The following C1QTNF3 variants were observed in gnomAD, a reference collection of about 807,000 sequenced individuals.
C1QTNF3 encodes the protein C1q and TNF related 3, also known as complement C1q tumor necrosis factor-related protein 3.
A neutral mutation model predicts 32.6 loss-of-function variants in C1QTNF3; 26 were observed. That is an observed-to-expected ratio of 0.80 (90% confidence interval 0.58 to 1.11). C1QTNF3 has a LOEUF of 1.11. C1QTNF3 is among the 50% of genes least tolerant of loss of function. C1QTNF3 has a pLI of 0.00. For missense variants in C1QTNF3, 362 were observed against 398.2 expected (o/e 0.91, Z 0.77); for synonymous variants, 155 against 146.0 (o/e 1.06, Z -0.44).
the C1QTNF3 span, among the ~76,000 whole-genome samples, chr5:34,146,004 G>C: frequency 6.6e-6 from 1 of 152,000 alleles, no homozygotes; most frequent in African/African-American, 2.4e-5. Context: ...ACAAAACATA[G>C]GTCAAAATAA....
chr5:34,060,104 C>T, the C1QTNF3 span, among the ~76,000 whole-genome samples: 1 of 152,194 alleles, frequency 6.6e-6, no homozygotes, highest in Non-Finnish European at 1.5e-5. Flanking sequence ...CCAGCTTTCT[C>T]AAAGAGACTT....
Position 34,024,023 on chromosome 5 carries a change from T to C in C1QTNF3, c.701-15A>G, listed in dbSNP as rs1337035353. 1.9e-6 allele frequency: 3 copies of C among 1,604,244 alleles called. No individual in the cohort carries two copies. The African/African-American group carries it at 4.0e-5, about 21-fold the overall frequency. On this transcript the variant is annotated splice_polypyrimidine_tract_variant and intron_variant, in intron 4 of 5. Coordinates refer to ENST00000382065, the MANE Select transcript of C1QTNF3 (RefSeq NM_181435.6). ...GAAATACACACCTGAAAAAAGCAGG[T>C]ATATATCCATGTTGATATTAACATG...
the C1QTNF3 span, chr5:34,124,661 A>G: frequency 1.3e-5 from 6 of 453,504 alleles, no homozygotes; most frequent in African/African-American, 1.2e-4. Flanking sequence ...ATTGGGGATT[A>G]CAGTTCAACA....
the C1QTNF3 span, among the ~76,000 whole-genome samples, chr5:34,157,425 T>C: frequency 6.6e-6 from 1 of 152,194 alleles, no homozygotes; most frequent in East Asian, 1.9e-4. Context: ...AAATCACACA[T>C]TGTAGTAAGC....
At chr5:34,095,834 G>A in the C1QTNF3 span, among the ~76,000 whole-genome samples, 3 of 151,398 alleles carry the variant, frequency 2.0e-5, no homozygotes, top group African/African-American at 4.8e-5. Flanking sequence ...TTTTCAAAGC[G>A]AAAATGGAAG....
chr5:34,043,499 T>C (rs1243459794), upstream of C1QTNF3: 2 of 205,712 alleles, frequency 9.7e-6, no homozygotes, highest in East Asian at 2.4e-4. Context: ...ATGGAAAGGC[T>C]GTGTATTTGC....
chr5:34,107,628 A>AGACCTAATACAACAGCAG, the C1QTNF3 span, among the ~76,000 whole-genome samples: 7 of 152,200 alleles, frequency 4.6e-5, no homozygotes, highest in Admixed American at 3.9e-4. Context: ...GAAAAAAACA[A>AGACCTAATACAACAGCAG]GACCTAATAC....
At chr5:34,074,605 C>T in the C1QTNF3 span, among the ~76,000 whole-genome samples, 2 of 151,692 alleles carry the variant, frequency 1.3e-5, no homozygotes, top group Non-Finnish European at 2.9e-5. Context: ...GTTAAACAAC[C>T]CCAAAATCAC....
At chr5:34,078,381 A>AGTTCCACAT in the C1QTNF3 span, among the ~76,000 whole-genome samples, 18 of 151,862 alleles carry the variant, frequency 1.2e-4, no homozygotes, top group African/African-American at 3.9e-4. This position sits in a 1 kb window ranked among gnomAD's most constrained non-coding sequence, Gnocchi z 4.0. Flanking sequence ...ATTGATTCAC[A>AGTTCCACAT]GTTCCACATG....
At chr5:34,076,721 T>C in the C1QTNF3 span, among the ~76,000 whole-genome samples, 3 of 151,800 alleles carry the variant, frequency 2.0e-5, no homozygotes, top group East Asian at 1.9e-4. Context: ...GTCTTGGTAA[T>C]AAAAACAACT....
chr5:34,184,043 T>C, the C1QTNF3 span, among the ~76,000 whole-genome samples: 47 of 149,440 alleles, frequency 3.1e-4, no homozygotes, highest in Non-Finnish European at 5.3e-4. Context: ...CCTTTCTATA[T>C]GGATGACTAC....
chr5:34,020,261 A>G lies in C1QTNF3; in HGVS notation c.*322T>C, dbSNP rs1315191893. ...TTAAATTAAAAGCAGAGTAGTCAAA[A>G]TTCTTTGCAAATGACTTCTGTGATA... is the stretch of plus-strand genomic sequence containing the variant. On this transcript the variant is annotated 3_prime_UTR_variant, in exon 6 of 6. Coordinates refer to ENST00000382065, the MANE Select transcript of C1QTNF3 (RefSeq NM_181435.6). The G allele has an allele frequency of 1.8e-5, 4 of 221,920 alleles. No homozygotes were observed. Among genetic ancestry groups the G allele is most frequent in the Non-Finnish European group, 3.6e-5 (4 of 111,234 alleles). The allele number at this position is 221,920 out of a possible 1,614,324, so 13.7% of individuals were successfully genotyped here.
chr5:34,224,348 A>G, the C1QTNF3 span, among the ~76,000 whole-genome samples: 6 of 152,334 alleles, frequency 3.9e-5, no homozygotes, highest in East Asian at 1.9e-4. Context: ...CGCCAAGTCA[A>G]TCCTAAGCCA....
At chr5:34,186,673 C>T in the C1QTNF3 span, among the ~76,000 whole-genome samples, 1 of 152,364 alleles carries the variant, frequency 6.6e-6, no homozygotes, top group African/African-American at 2.4e-5. Context: ...TGTACCACAG[C>T]ATGTCAGCTC....
At chr5:34,216,103 T>A in the C1QTNF3 span, among the ~76,000 whole-genome samples, 1 of 152,256 alleles carries the variant, frequency 6.6e-6, no homozygotes, top group South Asian at 2.1e-4. Context: ...TCCATACAGG[T>A]ATGATATTGG....
the C1QTNF3 span, among the ~76,000 whole-genome samples, chr5:34,174,622 A>G: frequency 6.6e-6 from 1 of 152,140 alleles, no homozygotes; most frequent in African/African-American, 2.4e-5. Context: ...TTCTCCAACC[A>G]ACCAAACTGC....
chr5:34,076,824 T>C, the C1QTNF3 span, among the ~76,000 whole-genome samples: 2 of 151,528 alleles, frequency 1.3e-5, no homozygotes, highest in Non-Finnish European at 2.9e-5. Flanking sequence ...CATTCCCGTG[T>C]TGACCTTGGC....
At chr5:34,022,383 A>C (rs917614755) in intron 5 of C1QTNF3, among the ~76,000 whole-genome samples, 2 of 152,222 alleles carry the variant, frequency 1.3e-5, no homozygotes, top group African/African-American at 4.8e-5. Context: ...GATGTGCCAC[A>C]GAGAAAAGCA....
intron 2 of C1QTNF3, among the ~76,000 whole-genome samples, chr5:34,035,429 G>A (rs1343015210): frequency 1.3e-5 from 2 of 152,210 alleles, no homozygotes; most frequent in Admixed American, 1.3e-4. Context: ...AAAGCATGCT[G>A]TGGCAGATAT....
Sources: gnomAD v4.1 joint callset for allele counts (sites outside exome capture counted in the v4.1 genomes callset) on GRCh38, gnomAD v4.1.1 for gene constraint, Gnocchi (gnomAD v3.1) non-coding constraint, MANE v1.5 for transcripts, NCBI Gene and HGNC (gene_info 2026-07-23, HGNC 2026-07-21) for gene names.